NAPRT: variants seen among roughly 807,000 people sequenced by gnomAD.
NAPRT encodes the protein nicotinate phosphoribosyltransferase, also known as FHA-HIT-interacting protein.
Under a neutral mutation model 60.7 loss-of-function variants are expected in NAPRT, and 66 were observed. The ratio of observed to expected loss-of-function variants is 1.09; its 90% CI spans 0.89 to 1.33. NAPRT has a LOEUF of 1.33. Among genes scored for constraint, NAPRT ranks in the 40% most tolerant of loss-of-function variants. The probability of loss-of-function intolerance (pLI) is 0.00; values close to 1 mark genes in which losing one functional copy is unlikely to be tolerated. For missense variants in NAPRT, 818 were observed against 731.5 expected (o/e 1.12, Z -1.36); for synonymous variants, 405 against 335.7 (o/e 1.21, Z -2.26).
In NAPRT at chr8:143,575,086, T is replaced by C. The variant is rs772227017; in HGVS notation, c.1454A>G (p.Glu485Gly). The C allele has an allele frequency of 5.3e-6, 8 of 1,517,480 alleles. 1 individual carries two copies. The South Asian group carries it at 1.0e-4, about 19-fold the overall frequency. 94.0% of individuals were successfully genotyped at this position (1,517,480 alleles called of 1,614,324 possible). ...RLCLQQGQLC[E>G]PLPSLAESRA... The stretch of plus-strand genomic sequence containing the variant: ...AGACTCTGCCAGGGATGGGAGCGGC[T>C]CACACAGCTGCAGGGAGGAGGTAAG... The change falls in exon 12 of 13, where the codon GAG (glutamate) becomes GGG (glycine). Residue 485 changes from glutamate to glycine, a missense_variant. Coordinates refer to ENST00000449291, the MANE Select transcript of NAPRT (RefSeq NM_145201.6).
chr8:143,578,310 C>T lies in NAPRT; in HGVS notation c.9G>A (p.Ala3=), dbSNP rs1289756462. 3 of 1,371,314 alleles carry T rather than the reference C, an allele frequency of 2.2e-6. No homozygotes were observed. The highest frequency in any genetic ancestry group is 6.1e-5 in the East Asian group (2 of 32,866). The allele number at this position is 1,371,314 out of a possible 1,614,324, so 84.9% of individuals were successfully genotyped here. Residue 3 remains alanine, a synonymous_variant, in exon 1 of 13, where the codon GCG becomes GCA. Coordinates refer to ENST00000449291, the MANE Select transcript of NAPRT (RefSeq NM_145201.6). MA[A]EQDPEARAAA... is the part of the protein sequence containing the mutation. ...CCGCGCGCGCCTCGGGGTCCTGCTC[C>T]GCCGCCATCCTGCTCCCGACGTCCG...
downstream of NAPRT, chr8:143,574,743 G>A (rs746685034): frequency 2.5e-5 from 37 of 1,464,004 alleles, no homozygotes; most frequent in Middle Eastern, 1.7e-4. Context: ...GGCGCAGCCC[G>A]TGGGCTGGGT....
chr8:143,576,902 G>A (rs916052591), intron 5 of NAPRT, 60 bp from the exon 6 acceptor site: 79 of 1,529,358 alleles, frequency 5.2e-5, no homozygotes, highest in Non-Finnish European at 6.5e-5. Flanking sequence ...CCTGGGAGCA[G>A]CCAGGGACAC....
chr8:143,577,900 A>G lies in NAPRT; in HGVS notation c.270T>C (p.Pro90=). Residue 90 remains proline, a synonymous_variant, in exon 2 of 13, where the codon CCT becomes CCC. Coordinates refer to ENST00000449291, the MANE Select transcript of NAPRT (RefSeq NM_145201.6). ...GGGCCCGAAGGTGCTCGAAGAACGC[A>G]GGATCCGTGTCTGGGGGCAGCACCG... The part of the protein sequence containing the change: ...LASVLPPDTD[P]AFFEHLRALD... 1 of 1,612,154 alleles carries G rather than the reference A, an allele frequency of 6.2e-7. No homozygotes were observed. Among genetic ancestry groups the G allele is most frequent in the Non-Finnish European group, 8.5e-7 (1 of 1,179,620 alleles).
chr8:143,575,114 AAG>A, intron 11 of NAPRT, 21 bp from the exon 12 acceptor site: 3 of 1,546,886 alleles, frequency 1.9e-6, no homozygotes, highest in Non-Finnish European at 1.7e-6. Context: ...GAGGTAAGGA[AAG>A]AGAAGCTTGG....
In NAPRT at chr8:143,578,204, C is replaced by T. The variant is rs1824657812; in HGVS notation, c.115G>A (p.Ala39Thr). Residue 39 changes from alanine (A) to threonine (T), a missense_variant, in exon 1 of 13, where the codon GCC becomes ACC. Transcript: ENST00000449291. ...CGGCGGAAGAAGAGCTCGAACTCGG[C>T]GGCGTCCCGCGCCCGGCCCGCGCGC... ...YWRAGRARDA[A>T]EFELFFRRCP... The T allele has an allele frequency of 1.3e-6, 2 of 1,505,908 alleles. No homozygotes were observed. The highest frequency in any genetic ancestry group is 2.2e-5 in the Admixed American group (1 of 45,026). 93.3% of individuals were successfully genotyped at this position (1,505,908 alleles called of 1,614,324 possible). A position where few individuals can be genotyped will look rare whatever the true frequency, so the allele number is the denominator to read the frequency against.
In NAPRT at chr8:143,576,106, TC is replaced by T; in HGVS notation, c.1078del (p.Glu360ArgfsTer14). On this transcript the variant is annotated frameshift_variant, in exon 8 of 13. Coordinates refer to ENST00000449291, the MANE Select transcript of NAPRT (RefSeq NM_145201.6). LOFTEE classifies it high-confidence loss of function. The part of the protein sequence containing the change: ...VLIVVSNNID[E>X]EALARLAQEG... ...CTGGGCCAGTCGGGCCAGCGCCTCC[TC>T]GTCAATGTTGTTGCTGACTACGATG... is the stretch of plus-strand genomic sequence containing the variant. The T allele has an allele frequency of 6.2e-7, 1 of 1,604,548 alleles. No homozygotes were observed. The highest frequency in any genetic ancestry group is 8.5e-7 in the Non-Finnish European group (1 of 1,174,060).
At chr8:143,576,388 C>T in intron 7 of NAPRT, 44 bp downstream of exon 7, 1 of 1,572,622 alleles carries the variant, frequency 6.4e-7, no homozygotes, top group Non-Finnish European at 8.6e-7. Context: ...TTCCCAAACC[C>T]CGGGGATCTC....
chr8:143,575,739 C>T (rs761627994), intron 8 of NAPRT, 37 bp from the exon 9 acceptor site: 20 of 1,457,252 alleles, frequency 1.4e-5, no homozygotes, highest in African/African-American at 7.3e-5. Flanking sequence ...GCCCAGCTGC[C>T]CTGGGTGGGG....
downstream of NAPRT, chr8:143,574,647 G>A (rs376932240): frequency 1.8e-5 from 13 of 706,980 alleles, no homozygotes; most frequent in Middle Eastern, 7.2e-4. Flanking sequence ...CTCCCACGCC[G>A]GCAGGGCCTG....
In NAPRT at chr8:143,576,819, C is replaced by T; in HGVS notation, c.708G>A (p.Glu236=). 6.2e-7 allele frequency: 1 copy of T among 1,600,820 alleles called. No individual in the cohort carries two copies. The highest frequency in any genetic ancestry group is 8.5e-7 in the Non-Finnish European group (1 of 1,173,144). The change falls in exon 6 of 13, where the codon GAG becomes GAA. Residue 236 remains glutamate (E), a synonymous_variant. Transcript: ENST00000449291. The part of the protein sequence containing the change: ...PDPMLAPAAG[E]GPGVDLAAKA... The stretch of plus-strand genomic sequence containing the variant: ...TGGCCGCCAGGTCCACCCCAGGGCC[C>T]TCACCAGCTGCTGGCGCCAACATCT...
chr8:143,574,156 C>T (rs1048731440), downstream of NAPRT, among the ~76,000 whole-genome samples: 1 of 152,220 alleles, frequency 6.6e-6, no homozygotes, highest in Non-Finnish European at 1.5e-5. Context: ...CCCAGCACAG[C>T]CACGTGCAGT....
downstream of NAPRT, among the ~76,000 whole-genome samples, chr8:143,573,311 G>A (rs930781234): frequency 6.6e-6 from 1 of 152,208 alleles, no homozygotes; most frequent in African/African-American, 2.4e-5. Flanking sequence ...GACACCAGAG[G>A]AGCGGTGGCC....
In NAPRT at chr8:143,577,067, C is replaced by T. The variant is rs200176063; in HGVS notation, c.679G>A (p.Asp227Asn). 1 of 1,612,748 alleles carries T rather than the reference C, an allele frequency of 6.2e-7. No individual in the cohort carries two copies. Among genetic ancestry groups the T allele is most frequent in the East Asian group, 2.2e-5 (1 of 44,868 alleles). Residue 227 changes from aspartate (D) to asparagine (N), a missense_variant, in exon 5 of 13, where the codon GAC becomes AAC. Transcript: ENST00000449291. ...TSFSGSEVPP[D>N]PMLAPAAGEG... is the part of the protein sequence containing the mutation. ...GGTTTAGAGGAGGGACTGACCGGGTCAGGGGGCACCTCGCTGCCTGAAAAG... is the reference window on the plus strand; with the variant it reads ...GGTTTAGAGGAGGGACTGACCGGGTTAGGGGGCACCTCGCTGCCTGAAAAG...
rs547965344 is a variant in NAPRT at position 143,578,015 on chromosome 8, G to C, written c.227-72C>G. On this transcript the variant is annotated intron_variant, in intron 1 of 12. Transcript: ENST00000449291. ...TCGTGGGACATGGGGGGTTCCACGG[G>C]GGGACAAGGACTTCCACCGGCCATA... 15 of 1,543,972 alleles carry C rather than the reference G, an allele frequency of 9.7e-6. No homozygotes were observed. The East Asian group carries it at 2.1e-4, about 21-fold the overall frequency.
At chr8:143,576,256 G>A in intron 7 of NAPRT, 94 bp from the exon 8 acceptor site, 2 of 1,404,718 alleles carry the variant, frequency 1.4e-6, no homozygotes, top group South Asian at 1.4e-5. Context: ...CTCAGTCAAG[G>A]ACACCTGTGC....
chr8:143,576,245 C>T (rs1824447061), intron 7 of NAPRT, 83 bp from the exon 8 acceptor site: 8 of 1,432,484 alleles, frequency 5.6e-6, no homozygotes, highest in Non-Finnish European at 7.5e-6. Flanking sequence ...CCCCGCCCCG[C>T]CTCAGTCAAG....
In NAPRT at chr8:143,577,827, C is replaced by T. The variant is rs369745388; in HGVS notation, c.343G>A (p.Ala115Thr). 4.4e-6 allele frequency: 7 copies of T among 1,609,012 alleles called. No homozygotes were observed. In the East Asian group the frequency reaches 1.1e-4, roughly 26 times the overall value. ...TTACCCCTACTCACTCCGGGGAAGG[C>T]GAGGGAGCCCTCGGGCAGGGCTCGC... The part of the protein sequence containing the change: ...TVRALPEGSL[A>T]FPGVPLLQVS... The change falls in exon 2 of 13, where the codon GCC becomes ACC. Residue 115 changes from alanine to threonine, a missense_variant. Transcript: ENST00000449291.
rs762975410 is a variant in NAPRT, at chr8:143,577,139, G to A, written c.607C>T (p.Arg203Ter). Reference protein sequence around the residue: ...SSSNVLAGQLRGVPVAGTLAH... With the variant: ...SSSNVLAGQL ...AGGGTCCCGGCCACCGGCACACCTC[G>A]CAGCTGGCCCGCTAGCACGTTGCTG... The change falls in exon 5 of 13, where the codon CGA (arginine) becomes TGA (stop). Residue 203 changes from arginine to a stop codon, truncating the protein, a stop_gained. Coordinates refer to ENST00000449291, the MANE Select transcript of NAPRT (RefSeq NM_145201.6). LOFTEE classifies it high-confidence loss of function. 5.0e-6 allele frequency: 8 copies of A among 1,612,778 alleles called. No homozygotes were observed. The highest frequency in any genetic ancestry group is 1.3e-5 in the African/African-American group (1 of 74,940).
Sources: gnomAD v4.1 joint callset for allele counts (sites outside exome capture counted in the v4.1 genomes callset) on GRCh38, gnomAD v4.1.1 for gene constraint, MANE v1.5 for transcripts, NCBI Gene and HGNC (gene_info 2026-07-23, HGNC 2026-07-21) for gene names.